Variants in PRH1 observed in about 807,000 individuals in gnomAD.
PRH1 encodes the protein salivary acidic proline-rich phosphoprotein 1/2.
Under a neutral mutation model 7.9 loss-of-function variants are expected in PRH1, and 7 were observed. That is an observed-to-expected ratio of 0.89 (90% confidence interval 0.50 to 1.67). The LOEUF (loss-of-function observed/expected upper bound fraction) is 1.67. Ranked by LOEUF, PRH1 falls within the 40% of genes most tolerant of loss-of-function variation. The probability of loss-of-function intolerance (pLI) is 0.00; values close to 1 mark genes in which losing one functional copy is unlikely to be tolerated. For missense variants in PRH1, 109 were observed against 223.6 expected (o/e 0.49, Z 3.27); for synonymous variants, 45 against 80.8 (o/e 0.56, Z 2.38).
At chr12:11,146,576 T>G (rs1378410023) in intron 1 of PRH1, among the ~76,000 whole-genome samples, 2 of 152,202 alleles carry the variant, frequency 1.3e-5, no homozygotes, top group Non-Finnish European at 2.9e-5. Flanking sequence ...TTAACAGATC[T>G]TTCCAAGGAA....
At chr12:11,019,549 A>AT (rs1941482799) in intron 1 of PRH1, among the ~76,000 whole-genome samples, 1 of 152,400 alleles carries the variant, frequency 6.6e-6, no homozygotes, top group South Asian at 2.1e-4. Context: ...ATACTAAAAA[A>AT]ATATACAAAT....
chr12:10,964,663 C>T (rs1029119870), intron 2 of PRH1: 8 of 578,346 alleles, frequency 1.4e-5, no homozygotes, highest in Admixed American at 2.3e-5. Flanking sequence ...AGGAGGTCAC[C>T]GTTTGCAAAG....
At chr12:10,889,950 C>T (rs1414638602) in intron 2 of PRH1, among the ~76,000 whole-genome samples, 1 of 152,092 alleles carries the variant, frequency 6.6e-6, no homozygotes, top group Admixed American at 6.6e-5. Flanking sequence ...AGGATGGGTA[C>T]AACAGCTCCT....
At position 11,073,337 on chromosome 12, in the gene PRH1, T is replaced by A. The variant is rs1227910681; in HGVS notation, n.124-26149A>T. Among the ~76,000 whole-genome samples, 5 of 117,900 alleles carry A rather than the reference T, an allele frequency of 4.2e-5. 1 individual carries two copies. The highest frequency in any genetic ancestry group is 2.5e-4 in the Admixed American group (3 of 11,860). The allele number at this position is 117,900 out of a possible 152,430, so 77.3% of individuals were successfully genotyped here. A position where few individuals can be genotyped will look rare whatever the true frequency, so the allele number is the denominator to read the frequency against. ...AAAGTAGAGACCTGGTTTCACCATG[T>A]TAGCCAGGCTGGTCTCAAACTCATG... is the stretch of plus-strand genomic sequence containing the variant. On this transcript the variant is annotated intron_variant and non_coding_transcript_variant, in intron 1 of 4. Coordinates refer to the PRH1 transcript ENST00000541977.
chr12:10,938,945 A>G, intron 2 of PRH1: 1 of 1,613,826 alleles, frequency 6.2e-7, no homozygotes, highest in Non-Finnish European at 8.5e-7. Flanking sequence ...CACTGTCCAG[A>G]TATTAGTAAG....
At chr12:11,130,390 C>T (rs959700892) in intron 1 of PRH1, among the ~76,000 whole-genome samples, 1 of 152,106 alleles carries the variant, frequency 6.6e-6, no homozygotes, top group African/African-American at 2.4e-5. Context: ...CTATATATTT[C>T]CTATCACTAC....
intron 1 of PRH1, among the ~76,000 whole-genome samples, chr12:11,054,566 C>T (rs1943278282): frequency 6.6e-6 from 1 of 152,082 alleles, no homozygotes; most frequent in Non-Finnish European, 1.5e-5. Context: ...TTTTTCCTCA[C>T]ATATGTGTAC....
intron 2 of PRH1, among the ~76,000 whole-genome samples, chr12:10,934,156 A>G (rs1294532094): frequency 1.3e-5 from 2 of 152,176 alleles, no homozygotes; most frequent in Non-Finnish European, 1.5e-5. Flanking sequence ...GATAGCAAGC[A>G]TCTGATTATT....
At chr12:11,148,354 C>A (rs1946939480) in intron 1 of PRH1, among the ~76,000 whole-genome samples, 1 of 151,588 alleles carries the variant, frequency 6.6e-6, no homozygotes, top group Non-Finnish European at 1.5e-5. Context: ...GAGGGCATCC[C>A]TGTCTTGTGC....
intron 1 of PRH1, among the ~76,000 whole-genome samples, chr12:11,052,980 T>C (rs1943213008): frequency 6.6e-6 from 1 of 152,258 alleles, no homozygotes; most frequent in African/African-American, 2.4e-5. Flanking sequence ...ATTTTCTTCT[T>C]TTCCCAACAC....
chr12:10,965,435 T>C (rs1938456253), intron 2 of PRH1: 1 of 540,340 alleles, frequency 1.9e-6, no homozygotes, highest in Non-Finnish European at 3.0e-6. Context: ...TTAAATTTTA[T>C]GTGGACCTGA....
At chr12:10,953,042 C>G (rs1050088986) in intron 2 of PRH1, among the ~76,000 whole-genome samples, 3 of 151,978 alleles carry the variant, frequency 2.0e-5, no homozygotes, top group African/African-American at 7.3e-5. Flanking sequence ...TCTTTTCCCC[C>G]CTAAAATCTA....
At chr12:11,050,199 G>A (rs1034780308), upstream of PRH1, among the ~76,000 whole-genome samples, 2 of 152,126 alleles carry the variant, frequency 1.3e-5, no homozygotes, top group Non-Finnish European at 1.5e-5. Flanking sequence ...AGAGCTGAGA[G>A]CCCCAAACAG....
intron 1 of PRH1, among the ~76,000 whole-genome samples, chr12:11,085,969 C>A (rs1262736467): frequency 2.5e-5 from 3 of 120,538 alleles, no homozygotes; most frequent in African/African-American, 8.4e-5. Context: ...GAAAGTGAAT[C>A]CTAAATTTTC....
intron 1 of PRH1, among the ~76,000 whole-genome samples, chr12:11,068,529 G>C (rs1256409566): frequency 6.6e-6 from 1 of 152,146 alleles, no homozygotes; most frequent in Non-Finnish European, 1.5e-5. Flanking sequence ...TTGGAGGTCT[G>C]AAAGACATTT....
chr12:10,884,100 A>AGG (rs1455393665), intron 1 of PRH1, 54 bp downstream of exon 1: 49 of 1,608,976 alleles, frequency 3.0e-5, no homozygotes. Flanking sequence ...CCTCTATAGC[A>AGG]TTTGCCTGTA....
At chr12:10,997,260 G>C in intron 1 of PRH1, 1 of 1,614,102 alleles carries the variant, frequency 6.2e-7, no homozygotes, top group Non-Finnish European at 8.5e-7. Context: ...ATCTTCTTCA[G>C]ATGTTTACAC....
rs2136272469 is a variant in PRH1 at position 11,095,934 on chromosome 12, T to G, written n.124-48746A>C. 1.7e-5 allele frequency among the ~76,000 whole-genome samples: 2 copies of G among 114,952 alleles called. 1 individual carries two copies. Among genetic ancestry groups the G allele is most frequent in the East Asian group, 4.2e-4 (2 of 4,726 alleles). The allele number at this position is 114,952 out of a possible 152,430, so 75.4% of individuals were successfully genotyped here. A position where few individuals can be genotyped will look rare whatever the true frequency, so the allele number is the denominator to read the frequency against. Reference sequence around the variant, plus strand: ...TGAATCCATTGAACTCTAGCTTTATTTTTGTCTGTTGAAAATCAGCTTGTC... The same window carrying G: ...TGAATCCATTGAACTCTAGCTTTATGTTTGTCTGTTGAAAATCAGCTTGTC... On this transcript the variant is annotated intron_variant and non_coding_transcript_variant, in intron 1 of 4. Coordinates refer to the PRH1 transcript ENST00000541977.
rs1182786302 is a variant in PRH1, at chr12:11,094,373, G to A, written n.124-47185C>T. 1.1e-4 allele frequency among the ~76,000 whole-genome samples: 12 copies of A among 111,488 alleles called. 4 individuals are homozygous for A. The highest frequency in any genetic ancestry group is 1.8e-4 in the Admixed American group (2 of 10,924). 73.1% of individuals were successfully genotyped at this position (111,488 alleles called of 152,430 possible). A position where few individuals can be genotyped will look rare whatever the true frequency, so the allele number is the denominator to read the frequency against. On this transcript the variant is annotated intron_variant and non_coding_transcript_variant, in intron 1 of 4. Coordinates refer to the PRH1 transcript ENST00000541977. Reference sequence around the variant, plus strand: ...GATATAAATATCTAATGTAGGTTTGGAGGGTTTTCTCCTGCACAAAAACAT... The same window carrying A: ...GATATAAATATCTAATGTAGGTTTGAAGGGTTTTCTCCTGCACAAAAACAT...
Sources: gnomAD v4.1 joint callset for allele counts (sites outside exome capture counted in the v4.1 genomes callset) on GRCh38, gnomAD v4.1.1 for gene constraint, MANE v1.5 for transcripts, NCBI Gene and HGNC (gene_info 2026-07-23, HGNC 2026-07-21) for gene names.